TGFBRAP1: variants seen among roughly 807,000 people sequenced by gnomAD.
The protein encoded by TGFBRAP1 is transforming growth factor beta receptor associated protein 1, also known as transforming growth factor-beta receptor-associated protein 1.
In TGFBRAP1, 20 loss-of-function variants were observed where a neutral mutation model predicts 83.2. That is an observed-to-expected ratio of 0.24 (90% confidence interval 0.17 to 0.35). TGFBRAP1 has a LOEUF of 0.35. Ranked by LOEUF, TGFBRAP1 falls within the 10% of genes least tolerant of loss-of-function variation. The probability of loss-of-function intolerance (pLI) is 1.00; values close to 1 mark genes in which losing one functional copy is unlikely to be tolerated. For missense variants in TGFBRAP1, 950 were observed against 1,099.4 expected (o/e 0.86, Z 1.92); for synonymous variants, 415 against 459.8 (o/e 0.90, Z 1.25).
intron 5 of TGFBRAP1, among the ~76,000 whole-genome samples, chr2:105,284,005 G>A (rs759565988): frequency 5.3e-5 from 8 of 152,130 alleles, no homozygotes; most frequent in African/African-American, 1.2e-4. Flanking sequence ...GGTCCTTTGC[G>A]TGCTATCAGA....
chr2:105,320,659 T>C (rs1679029917), intron 1 of TGFBRAP1, among the ~76,000 whole-genome samples: 1 of 152,158 alleles, frequency 6.6e-6, no homozygotes, highest in Admixed American at 6.5e-5. Flanking sequence ...CCTCCTTTAT[T>C]TAGTAAGAAA....
At chr2:105,312,653 A>T (rs1357098347) in intron 1 of TGFBRAP1, among the ~76,000 whole-genome samples, 1 of 152,252 alleles carries the variant, frequency 6.6e-6, no homozygotes, top group Non-Finnish European at 1.5e-5. Context: ...ATTTCCTACC[A>T]GGTTAAGAAT....
chr2:105,286,857 G>T (rs1677734357), intron 4 of TGFBRAP1, among the ~76,000 whole-genome samples: 1 of 152,192 alleles, frequency 6.6e-6, no homozygotes, highest in South Asian at 2.1e-4. Context: ...TTCTAAACCT[G>T]TTTCCAAGGC....
rs542077300 is a variant in TGFBRAP1, at chr2:105,294,964, G to C, written c.1038+1392C>G. Reference sequence around the variant, plus strand: ...AGAGCAGCTTGCAGGAGAGGAGAAGGGGCTGAGAGCACATGCGGCAGTGGC... The same window carrying C: ...AGAGCAGCTTGCAGGAGAGGAGAAGCGGCTGAGAGCACATGCGGCAGTGGC... On this transcript the variant is annotated intron_variant, in intron 4 of 11. Transcript: ENST00000393359. 4.6e-5 allele frequency among the ~76,000 whole-genome samples: 7 copies of C among 152,218 alleles called. No homozygotes were observed. The South Asian group carries it at 1.5e-3, about 32-fold the overall frequency.
At chr2:105,285,648 A>G (rs1366667850) in intron 4 of TGFBRAP1, among the ~76,000 whole-genome samples, 1 of 152,164 alleles carries the variant, frequency 6.6e-6, no homozygotes, top group African/African-American at 2.4e-5. Flanking sequence ...TTACCTTTCA[A>G]AGGGCTTTCA....
intron 2 of TGFBRAP1, among the ~76,000 whole-genome samples, chr2:105,301,050 C>T (rs1470874487): frequency 2.0e-5 from 3 of 151,878 alleles, no homozygotes; most frequent in Admixed American, 2.0e-4. Flanking sequence ...GTGGTGAAAC[C>T]CGGTTGCTAC....
chr2:105,324,582 C>T (rs533371211), intron 1 of TGFBRAP1, among the ~76,000 whole-genome samples: 2 of 152,330 alleles, frequency 1.3e-5, no homozygotes, highest in South Asian at 2.1e-4. Flanking sequence ...AAATTACAAG[C>T]ATGAATAATA....
At chr2:105,281,747 G>C (rs1294362237) in intron 5 of TGFBRAP1, among the ~76,000 whole-genome samples, 2 of 152,110 alleles carry the variant, frequency 1.3e-5, no homozygotes, top group African/African-American at 4.8e-5. Context: ...TTGCCAGTTT[G>C]TACATTTCAT....
chr2:105,267,858 A>G (rs1201803150), intron 11 of TGFBRAP1: 2 of 985,348 alleles, frequency 2.0e-6, no homozygotes, highest in African/African-American at 3.5e-5. Flanking sequence ...GGCTCTGATC[A>G]TTTCAAGCAA....
chr2:105,305,054 C>A (rs1438366888), intron 2 of TGFBRAP1, among the ~76,000 whole-genome samples: 3 of 152,138 alleles, frequency 2.0e-5, no homozygotes, highest in Non-Finnish European at 4.4e-5. Context: ...AGCATGGCCC[C>A]TAATATAAAC....
In TGFBRAP1 at chr2:105,307,725, A is replaced by G; in HGVS notation, c.577T>C (p.Tyr193His). ...ALTTQYIIHN[Y>H]STGVSQDLFP... Reference sequence around the variant, plus strand: ...AGGTCCTGGGAGACGCCTGTGCTGTAATTGTGGATGATGTACTGAGTGGTC... The same window carrying G: ...AGGTCCTGGGAGACGCCTGTGCTGTGATTGTGGATGATGTACTGAGTGGTC... The change falls in exon 2 of 12, where the codon TAC (tyrosine) becomes CAC (histidine). Residue 193 changes from tyrosine to histidine, a missense_variant. By Grantham distance (83) the Tyr-to-His change is moderately conservative. Coordinates refer to ENST00000393359, the MANE Select transcript of TGFBRAP1 (RefSeq NM_004257.6). 3 of 1,614,078 alleles carry G rather than the reference A, an allele frequency of 1.9e-6. No homozygotes were observed. Among genetic ancestry groups the G allele is most frequent in the Non-Finnish European group, 2.5e-6 (3 of 1,180,010 alleles).
intron 4 of TGFBRAP1, among the ~76,000 whole-genome samples, chr2:105,285,676 G>C (rs527374226): frequency 6.6e-6 from 1 of 152,242 alleles, no homozygotes; most frequent in East Asian, 1.9e-4. Flanking sequence ...CCATAAGACA[G>C]GGTGGAAGAA....
rs768008597 is a variant in TGFBRAP1, at chr2:105,273,098, G to A, written c.1813-84C>T. 12 of 1,538,592 alleles carry A rather than the reference G, an allele frequency of 7.8e-6. No homozygotes were observed. In the African/African-American group the frequency reaches 9.6e-5, roughly 12 times the overall value. On this transcript the variant is annotated intron_variant, in intron 9 of 11. Transcript: ENST00000393359. ...GCTCTCCCCTGTCAGCCAGGGCTTG[G>A]AGACCGCGGCTGCACTGACATGAGC...
intron 1 of TGFBRAP1, among the ~76,000 whole-genome samples, chr2:105,316,813 C>CAA (rs5833133): frequency 1.9e-4 from 17 of 87,906 alleles, no homozygotes; most frequent in South Asian, 3.5e-4. Flanking sequence ...GACTCTGTCT[C>CAA]AAAAAAAAAA....
intron 7 of TGFBRAP1, among the ~76,000 whole-genome samples, chr2:105,275,940 C>T (rs1677328434): frequency 6.6e-6 from 1 of 151,812 alleles, no homozygotes; most frequent in Admixed American, 6.6e-5. Flanking sequence ...GTTCTTTTAT[C>T]TTTCTTTCTT....
chr2:105,311,568 G>T (rs1238204928), intron 1 of TGFBRAP1, among the ~76,000 whole-genome samples: 1 of 151,726 alleles, frequency 6.6e-6, no homozygotes, highest in Non-Finnish European at 1.5e-5. Context: ...CTGGGAAACA[G>T]TGTGAGATGC....
chr2:105,278,569 C>A lies in TGFBRAP1; in HGVS notation c.1464-898G>T, dbSNP rs78253281. On this transcript the variant is annotated intron_variant, in intron 6 of 11. Transcript: ENST00000393359. Reference sequence around the variant, plus strand: ...TGAGCAAGTAGGTTAACTTGCCCAGCCTCTAACTCCTCACCTATAAATGGA... The same window carrying A: ...TGAGCAAGTAGGTTAACTTGCCCAGACTCTAACTCCTCACCTATAAATGGA... 9.9e-3 allele frequency among the ~76,000 whole-genome samples: 1,504 copies of A among 152,190 alleles called. 34 individuals carry two copies. Among genetic ancestry groups the A allele is most frequent in the African/African-American group, 0.035 (1,452 of 41,522 alleles).
the TGFBRAP1 span, among the ~76,000 whole-genome samples, chr2:105,250,999 C>G: frequency 1.3e-5 from 2 of 152,212 alleles, no homozygotes; most frequent in East Asian, 1.9e-4. Context: ...GATCTCGGCT[C>G]GCTACAACAT....
At chr2:105,270,709 T>C (rs1346865906) in intron 10 of TGFBRAP1, among the ~76,000 whole-genome samples, 1 of 152,170 alleles carries the variant, frequency 6.6e-6, no homozygotes, top group Non-Finnish European at 1.5e-5. Context: ...CTTATAGCAC[T>C]AGACACAGAA....
Sources: gnomAD v4.1 joint callset for allele counts (sites outside exome capture counted in the v4.1 genomes callset) on GRCh38, gnomAD v4.1.1 for gene constraint, MANE v1.5 for transcripts, NCBI Gene and HGNC (gene_info 2026-07-23, HGNC 2026-07-21) for gene names.